SGCZ: variants seen among roughly 807,000 people sequenced by gnomAD.
SGCZ encodes sarcoglycan zeta.
In SGCZ, 40 loss-of-function variants were observed where a neutral mutation model predicts 41.3. The observed-to-expected ratio is 0.97, with a 90% CI of 0.75 to 1.26. The LOEUF is 1.26. SGCZ is among the 50% of genes most tolerant of loss of function. The probability of loss-of-function intolerance (pLI) is 0.00; values close to 1 mark genes in which losing one functional copy is unlikely to be tolerated. For missense variants in SGCZ, 552 were observed against 369.8 expected, an observed-to-expected ratio of 1.49 and a Z score of -4.04; for synonymous variants, 206 against 137.5, an observed-to-expected ratio of 1.50 and a Z score of -3.49.
At chr8:14,777,483 G>A (rs1469639423) in intron 1 of SGCZ, among the ~76,000 whole-genome samples, 3 of 152,154 alleles carry the variant, frequency 2.0e-5, no homozygotes, top group Admixed American at 2.0e-4. Context: ...AATATCTTTA[G>A]TAGAAATCCA....
intron 6 of SGCZ, among the ~76,000 whole-genome samples, chr8:14,103,460 C>G (rs1043814294): frequency 6.6e-6 from 1 of 152,116 alleles, no homozygotes; most frequent in East Asian, 1.9e-4. Flanking sequence ...TCACTGTTAT[C>G]CAGCACAACT....
chr8:14,464,909 T>TCTG (rs979950660), intron 2 of SGCZ, among the ~76,000 whole-genome samples: 1 of 151,660 alleles, frequency 6.6e-6, no homozygotes, highest in African/African-American at 2.4e-5. Context: ...CTGTTATTGA[T>TCTG]TCCTAATTTA....
chr8:14,825,634 C>T (rs757993641), intron 1 of SGCZ, among the ~76,000 whole-genome samples: 4 of 152,132 alleles, frequency 2.6e-5, no homozygotes, highest in East Asian at 1.9e-4. Context: ...CCCACATAAG[C>T]TTTATCTTAG....
At position 14,980,042 on chromosome 8, in the gene SGCZ, A is replaced by G. The variant is rs527522965; in HGVS notation, c.39+257543T>C. 2.0e-5 allele frequency among the ~76,000 whole-genome samples: 3 copies of G among 152,358 alleles called. No homozygotes were observed. The South Asian group carries it at 6.2e-4, about 32-fold the overall frequency. On this transcript the variant is annotated intron_variant, in intron 1 of 7. Coordinates refer to ENST00000382080, the MANE Select transcript of SGCZ (RefSeq NM_139167.4). ...GAAATAGGGAAACACTGATTTACCA[A>G]TGCAGATACCAAAATTTTGAAAAGT...
chr8:14,700,251 T>C (rs186399983), intron 1 of SGCZ, among the ~76,000 whole-genome samples: 16 of 152,140 alleles, frequency 1.1e-4, no homozygotes, highest in Non-Finnish European at 2.4e-4. Context: ...GTGGTGTATA[T>C]ACATCATAGG....
At chr8:14,792,723 T>C (rs182988826) in intron 1 of SGCZ, among the ~76,000 whole-genome samples, 6 of 152,056 alleles carry the variant, frequency 3.9e-5, no homozygotes, top group Non-Finnish European at 5.9e-5. Flanking sequence ...ACAGAATCAA[T>C]ACCCCCTTTC....
At chr8:14,880,631 C>T (rs556953024) in intron 1 of SGCZ, among the ~76,000 whole-genome samples, 1 of 152,034 alleles carries the variant, frequency 6.6e-6, no homozygotes, top group Non-Finnish European at 1.5e-5. Flanking sequence ...CCATGAAAAA[C>T]GATGAGTTCA....
At chr8:14,324,283 T>C in intron 2 of SGCZ, 79 bp from the exon 3 acceptor site, 1 of 980,576 alleles carries the variant, frequency 1.0e-6, no homozygotes, top group Middle Eastern at 2.1e-4. Flanking sequence ...AGGCCTAAAT[T>C]GAGAAAACAG....
At chr8:14,926,013 G>C (rs1799736838) in intron 1 of SGCZ, among the ~76,000 whole-genome samples, 1 of 152,174 alleles carries the variant, frequency 6.6e-6, no homozygotes, top group Admixed American at 6.6e-5. Context: ...CATTATCTCA[G>C]TGAGTCTTAA....
At chr8:15,077,499 T>C (rs539679439) in intron 1 of SGCZ, among the ~76,000 whole-genome samples, 171 of 152,318 alleles carry the variant, frequency 1.1e-3, no homozygotes, top group Non-Finnish European at 2.0e-3. Flanking sequence ...TGTTCCACCA[T>C]ATGGCAGTCA....
intron 1 of SGCZ, among the ~76,000 whole-genome samples, chr8:14,786,959 T>C (rs1056859625): frequency 3.3e-5 from 5 of 152,034 alleles, no homozygotes; most frequent in African/African-American, 1.2e-4. Flanking sequence ...TGTACCTGGA[T>C]ACCTGGTAGG....
At chr8:14,876,008 G>C (rs978709617) in intron 1 of SGCZ, among the ~76,000 whole-genome samples, 1 of 152,108 alleles carries the variant, frequency 6.6e-6, no homozygotes, top group African/African-American at 2.4e-5. Context: ...GGGAACTCTG[G>C]TAATTAACAA....
intron 1 of SGCZ, among the ~76,000 whole-genome samples, chr8:14,643,552 A>G (rs921605010): frequency 4.0e-5 from 6 of 151,634 alleles, no homozygotes; most frequent in Non-Finnish European, 8.9e-5. Flanking sequence ...CAAAAAAAAA[A>G]AGAGAAGCTT....
intron 2 of SGCZ, among the ~76,000 whole-genome samples, chr8:14,376,636 A>T (rs1198765520): frequency 6.6e-6 from 1 of 152,190 alleles, no homozygotes; most frequent in Non-Finnish European, 1.5e-5. Context: ...TCCAGAGCAT[A>T]GAAGCTAAAA....
At chr8:14,536,583 AG>A (rs1178431406) in intron 2 of SGCZ, among the ~76,000 whole-genome samples, 4 of 151,920 alleles carry the variant, frequency 2.6e-5, no homozygotes, top group African/African-American at 9.7e-5. Flanking sequence ...CTATAATTTA[AG>A]CCAACTGAAA....
intron 1 of SGCZ, among the ~76,000 whole-genome samples, chr8:15,219,452 G>C (rs549023322): frequency 1.1e-4 from 17 of 152,132 alleles, no homozygotes; most frequent in African/African-American, 4.1e-4. Context: ...ATTATTCGTT[G>C]GTCAAAAATC....
chr8:15,142,980 G>C (rs866371693), intron 1 of SGCZ, among the ~76,000 whole-genome samples: 10 of 152,264 alleles, frequency 6.6e-5, no homozygotes, highest in African/African-American at 2.4e-4. Context: ...ATTATGCTAA[G>C]GGTTAACCTA....
At chr8:14,941,318 T>A (rs903750350) in intron 1 of SGCZ, among the ~76,000 whole-genome samples, 16 of 152,148 alleles carry the variant, frequency 1.1e-4, no homozygotes, top group Non-Finnish European at 2.9e-5. Context: ...GCTACAGCAT[T>A]ATTTAAAGTG....
chr8:14,132,145 T>G (rs1007944088), intron 5 of SGCZ, among the ~76,000 whole-genome samples: 4 of 152,200 alleles, frequency 2.6e-5, no homozygotes, highest in Non-Finnish European at 4.4e-5. Context: ...TATTCCTTTT[T>G]TTCATTTCTG....
Sources: allele counts gnomAD v4.1 joint callset (sites outside exome capture counted in the v4.1 genomes callset), GRCh38; gene constraint gnomAD v4.1.1; transcripts MANE v1.5; gene names NCBI Gene and HGNC (gene_info 2026-07-23, HGNC 2026-07-21).